The following PWP1 variants were observed in gnomAD, a reference collection of about 807,000 sequenced individuals.
PWP1 encodes the protein PWP1 homolog, endonuclein.
PWP1 carries 47 observed loss-of-function variants against 69.9 expected under a neutral mutation model. The observed-to-expected ratio is 0.67, with a 90% CI of 0.53 to 0.86. The LOEUF is 0.86. Ranked by LOEUF, PWP1 falls within the 40% of genes least tolerant of loss-of-function variation. PWP1 has a pLI of 0.00. For missense variants in PWP1, 551 were observed against 608.8 expected (o/e 0.91, Z 1.00); for synonymous variants, 222 against 208.2 (o/e 1.07, Z -0.57).
chr12:107,689,732 TG>T (rs1415819846), intron 3 of PWP1, among the ~76,000 whole-genome samples: 1 of 151,916 alleles, frequency 6.6e-6, no homozygotes, highest in East Asian at 1.9e-4. Context: ...GGTGACACAG[TG>T]GGACTCCATC....
intron 1 of PWP1, among the ~76,000 whole-genome samples, chr12:107,687,666 T>C (rs1889395709): frequency 1.3e-5 from 2 of 152,120 alleles, no homozygotes; most frequent in South Asian, 4.1e-4. Context: ...TTCAGGAAGC[T>C]GAGGTGGGAG....
At position 107,697,572 on chromosome 12, in the gene PWP1, AAAAGAAGAAAAAGAAAGG is replaced by A. The variant is rs1349204299; in HGVS notation, c.727_744del (p.Lys243_Lys248del). ...TTCACACTCGGAAGTAAACTTTCAA[AAAAGAAGAAAAAGAAAGG>A]AAAGAAGGTAAAGAAGTTAATAAAT... On this transcript the variant is annotated inframe_deletion, in exon 7 of 15. Transcript: ENST00000412830. The A allele has an allele frequency of 6.2e-7, 1 of 1,603,564 alleles. No individual in the cohort carries two copies. Among genetic ancestry groups the A allele is most frequent in the Admixed American group, 1.7e-5 (1 of 57,232 alleles).
In PWP1 at chr12:107,710,572, AAG is replaced by A. The variant is rs1301927385; in HGVS notation, c.1396+64_1396+65del. 85 of 1,449,668 alleles carry A rather than the reference AAG, an allele frequency of 5.9e-5. No individual in the cohort carries two copies. In the East Asian group the frequency reaches 5.9e-4, roughly 10 times the overall value. The allele number at this position is 1,449,668 out of a possible 1,614,324, so 89.8% of individuals were successfully genotyped here. On this transcript the variant is annotated intron_variant, in intron 14 of 14. Transcript: ENST00000412830. ...CCCTGTAAAAAAAAAAAAAAAAAAA[AAG>A]ACAGGGTCTCACCATGTTGCCCAGG...
Position 107,692,848 on chromosome 12 carries a change from T to TA in PWP1, c.355dup (p.Thr119AsnfsTer6). The TA allele has an allele frequency of 1.2e-6, 2 of 1,613,994 alleles. No individual in the cohort carries two copies. Among genetic ancestry groups the TA allele is most frequent in the Non-Finnish European group, 1.7e-6 (2 of 1,179,884 alleles). The stretch of plus-strand genomic sequence containing the variant: ...CTCTTGGTGAATCTCTCTTGGGTCT[T>TA]ACGGTCTACGGGAGTAATGATCAAG... On this transcript the variant is annotated frameshift_variant, in exon 4 of 15. Transcript: ENST00000412830. LOFTEE classifies it high-confidence loss of function.
chr12:107,691,826 G>C (rs1326906929), intron 3 of PWP1, among the ~76,000 whole-genome samples: 1 of 152,044 alleles, frequency 6.6e-6, no homozygotes, highest in Admixed American at 6.6e-5. Context: ...CTGTCCTATG[G>C]ATTACTATTA....
At chr12:107,703,286 C>T (rs1245214755) in intron 9 of PWP1, among the ~76,000 whole-genome samples, 1 of 152,064 alleles carries the variant, frequency 6.6e-6, no homozygotes, top group Non-Finnish European at 1.5e-5. Context: ...TATAGAGGCT[C>T]CTAAAAAAGG....
chr12:107,702,634 GAA>G (rs1181173478), intron 8 of PWP1, among the ~76,000 whole-genome samples: 2 of 152,178 alleles, frequency 1.3e-5, no homozygotes, highest in Non-Finnish European at 2.9e-5. Context: ...CAGAGATTTT[GAA>G]AGAGATTGGT....
chr12:107,691,381 C>T (rs2136272452), intron 3 of PWP1, among the ~76,000 whole-genome samples: 1 of 152,286 alleles, frequency 6.6e-6, no homozygotes, highest in African/African-American at 2.4e-5. Context: ...TCTGTGTGTT[C>T]TCTGTGCGAG....
In PWP1 at chr12:107,712,351, G is replaced by C; in HGVS notation, c.*131G>C. On this transcript the variant is annotated 3_prime_UTR_variant, in exon 15 of 15. Coordinates refer to ENST00000412830, the MANE Select transcript of PWP1 (RefSeq NM_007062.3). ...TCATTTCTGACTGACATTCCTTTCT[G>C]CAACTGCGGTGGCACCACAAATATC... 3.1e-6 allele frequency: 2 copies of C among 639,642 alleles called. No homozygotes were observed. Among genetic ancestry groups the C allele is most frequent in the Non-Finnish European group, 5.4e-6 (2 of 367,180 alleles). 39.6% of individuals were successfully genotyped at this position (639,642 alleles called of 1,614,324 possible).
chr12:107,693,432 A>T (rs374816430), intron 5 of PWP1, among the ~76,000 whole-genome samples: 1 of 152,060 alleles, frequency 6.6e-6, no homozygotes, highest in East Asian at 1.9e-4. Context: ...TTGGCCTCCC[A>T]AAGTGCTGGG....
intron 1 of PWP1, among the ~76,000 whole-genome samples, chr12:107,686,656 G>C (rs1889371235): frequency 6.6e-6 from 1 of 152,196 alleles, no homozygotes; most frequent in Non-Finnish European, 1.5e-5. Flanking sequence ...AGGGTCCTGG[G>C]ATAGGCATGA....
At chr12:107,711,204 T>C (rs953726220) in intron 14 of PWP1, among the ~76,000 whole-genome samples, 1 of 152,214 alleles carries the variant, frequency 6.6e-6, no homozygotes, top group African/African-American at 2.4e-5. Context: ...GAACATGCCC[T>C]TAAGACACAG....
chr12:107,687,004 A>G (rs1889384115), intron 1 of PWP1, among the ~76,000 whole-genome samples: 1 of 149,022 alleles, frequency 6.7e-6, no homozygotes, highest in Admixed American at 6.7e-5. Context: ...AAAAAAATAG[A>G]AAAAGACCCT....
At chr12:107,711,662 A>G (rs1374109655) in intron 14 of PWP1, among the ~76,000 whole-genome samples, 1 of 152,110 alleles carries the variant, frequency 6.6e-6, no homozygotes, top group East Asian at 1.9e-4. Context: ...GATAATATAT[A>G]TATCTCCCCA....
intron 7 of PWP1, 25 bp downstream of exon 7, chr12:107,697,622 A>G: frequency 6.3e-7 from 1 of 1,584,982 alleles, no homozygotes; most frequent in Non-Finnish European, 8.6e-7. Flanking sequence ...AAATATTTAA[A>G]CTCTAATGAC....
Position 107,712,759 on chromosome 12 carries a change from T to TATTC in PWP1, c.*541_*544dup. On this transcript the variant is annotated 3_prime_UTR_variant, in exon 15 of 15. Transcript: ENST00000412830. ...ACATGCCCCTGTTTTCCTAGCATGA[T>TATTC]ATTCACTGTTATCAAAGACAAGAGG... 6.5e-6 allele frequency: 1 copy of TATTC among 152,796 alleles called. No homozygotes were observed. Among genetic ancestry groups the TATTC allele is most frequent in the Non-Finnish European group, 1.5e-5 (1 of 68,382 alleles). 9.5% of individuals were successfully genotyped at this position (152,796 alleles called of 1,614,324 possible).
intron 1 of PWP1, chr12:107,686,253 G>GTGGGCTGC (rs753306460): frequency 1.9e-6 from 1 of 523,034 alleles, no homozygotes; most frequent in Non-Finnish European, 3.5e-6. Flanking sequence ...CCGGAAAGGG[G>GTGGGCTGC]TGGGCTGCTG....
chr12:107,704,756 A>C lies in PWP1; in HGVS notation c.1077+9A>C. 6.2e-7 allele frequency: 1 copy of C among 1,606,892 alleles called. No homozygotes were observed. Among genetic ancestry groups the C allele is most frequent in the Non-Finnish European group, 8.5e-7 (1 of 1,173,600 alleles). ...CACCTTGTCATTTCTTGGTAAGAGT[A>C]CGAATGTTGTTGTTTTGCTTTTCTA... On this transcript the variant is annotated intron_variant, in intron 11 of 14. Coordinates refer to ENST00000412830, the MANE Select transcript of PWP1 (RefSeq NM_007062.3).
chr12:107,705,032 C>T (rs576097725), intron 11 of PWP1, among the ~76,000 whole-genome samples: 14 of 152,022 alleles, frequency 9.2e-5, no homozygotes, highest in African/African-American at 2.9e-4. Flanking sequence ...AAATACTAAG[C>T]ATAGTTAGTA....
Sources: gnomAD v4.1 joint callset for allele counts (sites outside exome capture counted in the v4.1 genomes callset) on GRCh38, gnomAD v4.1.1 for gene constraint, MANE v1.5 for transcripts, NCBI Gene and HGNC (gene_info 2026-07-23, HGNC 2026-07-21) for gene names.